ZNF655: variants seen among roughly 807,000 people sequenced by gnomAD.
ZNF655 encodes zinc finger protein 655, also known as Vav-interacting Kruppel-like protein 1.
A neutral mutation model predicts 6.6 loss-of-function variants in ZNF655; 3 were observed. The ratio of observed to expected loss-of-function variants is 0.46; its 90% CI spans 0.21 to 1.18. ZNF655 has a LOEUF of 1.18. Ranked by LOEUF, ZNF655 falls within the 50% of genes most tolerant of loss-of-function variation. The pLI, the probability that ZNF655 is intolerant of heterozygous loss-of-function variation, is 0.24. For synonymous variants in ZNF655, 178 were observed against 195.0 expected, an observed-to-expected ratio of 0.91 and a Z score of 0.73; for missense variants, 526 against 572.3, an observed-to-expected ratio of 0.92 and a Z score of 0.83.
chr7:99,573,639 G>C lies in ZNF655; in HGVS notation c.*55G>C, dbSNP rs1804244235. 2 of 1,553,210 alleles carry C rather than the reference G, an allele frequency of 1.3e-6. No individual in the cohort carries two copies. The highest frequency in any genetic ancestry group is 1.7e-6 in the Non-Finnish European group (2 of 1,156,820). On this transcript the variant is annotated 3_prime_UTR_variant, in exon 3 of 3. Coordinates refer to ENST00000252713, the MANE Select transcript of ZNF655 (RefSeq NM_138494.3). ...AATTCAGGCTTCATTCAGCATCTGA[G>C]AGTTCACACCAGGGAGAAATCATGT... is the stretch of plus-strand genomic sequence containing the variant.
In ZNF655 at chr7:99,565,969, TAC is replaced by T. The variant is rs34118812; in HGVS notation, c.136+5288_136+5289del. Among the ~76,000 whole-genome samples, 1,316 of 151,000 alleles carry T rather than the reference TAC, an allele frequency of 8.7e-3. 16 individuals carry two copies. Among genetic ancestry groups the T allele is most frequent in the African/African-American group, 0.031 (1,257 of 40,860 alleles). ...ATTGGGTACTATATATATGTATGTATACACACACACACACATATGTATATACA... is the reference window on the plus strand; with the variant it reads ...ATTGGGTACTATATATATGTATGTATACACACACACACATATGTATATACA... On this transcript the variant is annotated intron_variant, in intron 2 of 2. Transcript: ENST00000252713.
At chr7:99,569,465 A>T (rs951804763) in intron 2 of ZNF655, among the ~76,000 whole-genome samples, 4 of 150,314 alleles carry the variant, frequency 2.7e-5, no homozygotes, top group Non-Finnish European at 4.5e-5. Context: ...CAAAATCATA[A>T]TTTTTTTTTT....
chr7:99,562,151 G>A, intron 2 of ZNF655: 1 of 755,494 alleles, frequency 1.3e-6, no homozygotes, highest in Non-Finnish European at 2.1e-6. Flanking sequence ...CATCTCCCCA[G>A]TGCCATGAGC....
chr7:99,561,631 G>T (rs1803180646), intron 2 of ZNF655, among the ~76,000 whole-genome samples: 1 of 152,186 alleles, frequency 6.6e-6, no homozygotes, highest in Non-Finnish European at 1.5e-5. Context: ...TCTGTAAGAG[G>T]ACTGTCATGT....
chr7:99,561,936 G>T, intron 2 of ZNF655: 1 of 1,597,726 alleles, frequency 6.3e-7, no homozygotes, highest in Non-Finnish European at 8.5e-7. Flanking sequence ...GGAAGCCCAG[G>T]AGACCAGGCA....
At chr7:99,559,628 A>ATTTTG (rs1431866445) in intron 1 of ZNF655, among the ~76,000 whole-genome samples, 1 of 151,710 alleles carries the variant, frequency 6.6e-6, no homozygotes, top group Non-Finnish European at 1.5e-5. Flanking sequence ...AATTTTAAAT[A>ATTTTG]TTTTGTTTTG....
chr7:99,571,816 A>T, intron 2 of ZNF655: 1 of 1,509,522 alleles, frequency 6.6e-7, no homozygotes, highest in Non-Finnish European at 9.0e-7. Flanking sequence ...AATCAGATAG[A>T]ATTAGTAGGG....
At position 99,573,890 on chromosome 7, in the gene ZNF655, A is replaced by G. The variant is rs1213523616; in HGVS notation, c.*306A>G. The G allele has an allele frequency of 3.3e-6, 1 of 301,824 alleles. No homozygotes were observed. The highest frequency in any genetic ancestry group is 6.1e-6 in the Non-Finnish European group (1 of 163,178). 18.7% of individuals were successfully genotyped at this position (301,824 alleles called of 1,614,324 possible). A position where few individuals can be genotyped will look rare whatever the true frequency, so the allele number is the denominator to read the frequency against. ...ATTTTCATACCTTAGTCACATTTGG[A>G]GAATTCACATGGGAATAAAATTCCA... On this transcript the variant is annotated 3_prime_UTR_variant, in exon 3 of 3. Coordinates refer to ENST00000252713, the MANE Select transcript of ZNF655 (RefSeq NM_138494.3).
At position 99,560,607 on chromosome 7, in the gene ZNF655, G is replaced by A. The variant is rs1252768405; in HGVS notation, c.48G>A (p.Gln16=). 1 of 1,614,074 alleles carries A rather than the reference G, an allele frequency of 6.2e-7. No individual in the cohort carries two copies. Among genetic ancestry groups the A allele is most frequent in the African/African-American group, 1.3e-5 (1 of 74,940 alleles). ...AAGCAGCAGGGTCACCAAGGGTCCA[G>A]TTTCAGTCTTTGGAGACCCAGTCTG... The part of the protein sequence containing the change: ...AQEAAGSPRV[Q]FQSLETQSEC... Residue 16 remains glutamine, a synonymous_variant, in exon 2 of 3, where the codon CAG becomes CAA. Transcript: ENST00000252713.
intron 2 of ZNF655, among the ~76,000 whole-genome samples, chr7:99,565,993 TACAC>T (rs1308601339): frequency 4.6e-5 from 7 of 151,882 alleles, no homozygotes; most frequent in Non-Finnish European, 1.5e-5. Flanking sequence ...CATATGTATA[TACAC>T]ACACACAGAC....
intron 2 of ZNF655, among the ~76,000 whole-genome samples, chr7:99,569,372 C>T (rs1803865920): frequency 6.6e-6 from 1 of 152,082 alleles, no homozygotes; most frequent in South Asian, 2.1e-4. Context: ...AAAACTTACA[C>T]GTTCTTTCTG....
rs1804293182 is a variant in ZNF655 at position 99,574,580 on chromosome 7, T to C, written c.*996T>C. On this transcript the variant is annotated 3_prime_UTR_variant, in exon 3 of 3. Transcript: ENST00000252713. ...GAACTCATTTAAGCTGTTTTTATTT[T>C]AATATGCCCTATAAACATTTTTATA... The C allele has an allele frequency of 6.6e-6, 1 of 152,188 alleles. No individual in the cohort carries two copies. The highest frequency in any genetic ancestry group is 2.4e-5 in the African/African-American group (1 of 41,448). The allele number at this position is 152,188 out of a possible 1,614,324, so 9.4% of individuals were successfully genotyped here. A position where few individuals can be genotyped will look rare whatever the true frequency, so the allele number is the denominator to read the frequency against.
At chr7:99,571,170 CT>C (rs983410113) in intron 2 of ZNF655, 3 of 1,153,374 alleles carry the variant, frequency 2.6e-6, no homozygotes, top group East Asian at 1.2e-4. Context: ...TCATATTACT[CT>C]TTGTTTTCTT....
At chr7:99,566,019 A>ATATG (rs1554397974) in intron 2 of ZNF655, among the ~76,000 whole-genome samples, 1 of 136,960 alleles carries the variant, frequency 7.3e-6, no homozygotes, top group Non-Finnish European at 1.5e-5. Flanking sequence ...TAGGACATTT[A>ATATG]TATGTGTGTG....
rs964899083 is a variant in ZNF655 at position 99,575,288 on chromosome 7, C to T, written c.*1704C>T. 1.3e-5 allele frequency: 2 copies of T among 152,452 alleles called. No homozygotes were observed. Among genetic ancestry groups the T allele is most frequent in the African/African-American group, 4.8e-5 (2 of 41,430 alleles). The allele number at this position is 152,452 out of a possible 1,614,324, so 9.4% of individuals were successfully genotyped here. A position where few individuals can be genotyped will look rare whatever the true frequency, so the allele number is the denominator to read the frequency against. ...GCATGGTGGCTCACACCTGTAATCC[C>T]AGCACTTTGGGAGGCTGAGGCGGAT... On this transcript the variant is annotated 3_prime_UTR_variant, in exon 3 of 3. Transcript: ENST00000252713.
intron 2 of ZNF655, among the ~76,000 whole-genome samples, chr7:99,568,995 G>A (rs967464676): frequency 4.6e-5 from 7 of 151,828 alleles, no homozygotes; most frequent in Non-Finnish European, 8.8e-5. Context: ...ATGTTGCCCA[G>A]GCTGGTCTCA....
intron 2 of ZNF655, chr7:99,563,947 C>T: frequency 1.9e-6 from 3 of 1,613,970 alleles, no homozygotes; most frequent in East Asian, 2.2e-5. Context: ...AGTGCTTTCT[C>T]TGGAGAAACA....
intron 2 of ZNF655, chr7:99,564,048 C>G (rs754775095): frequency 1.0e-5 from 16 of 1,606,132 alleles, no homozygotes; most frequent in Non-Finnish European, 1.3e-5. Flanking sequence ...AACTCCTTTT[C>G]CACGATTGTG....
At chr7:99,562,430 C>T in intron 2 of ZNF655, 4 of 1,614,146 alleles carry the variant, frequency 2.5e-6, no homozygotes, top group Non-Finnish European at 3.4e-6. Flanking sequence ...GATACCTGGA[C>T]CCTGTTCAGA....
Sources: gnomAD v4.1 joint callset for allele counts (sites outside exome capture counted in the v4.1 genomes callset) on GRCh38, gnomAD v4.1.1 for gene constraint, MANE v1.5 for transcripts, NCBI Gene and HGNC (gene_info 2026-07-23, HGNC 2026-07-21) for gene names.